The following TMEM62 variants were observed in gnomAD, a reference collection of about 807,000 sequenced individuals.
TMEM62 encodes transmembrane protein 62.
In TMEM62, 41 loss-of-function variants were observed where a neutral mutation model predicts 70.4. The ratio of observed to expected loss-of-function variants is 0.58; its 90% confidence interval spans 0.45 to 0.76. TMEM62 has a LOEUF of 0.76. Ranked by LOEUF, TMEM62 falls within the 30% of genes least tolerant of loss-of-function variation. The pLI, the probability that TMEM62 is intolerant of heterozygous loss-of-function variation, is 0.00. For synonymous variants in TMEM62, 268 were observed against 291.0 expected (o/e 0.92, Z 0.80); for missense variants, 688 against 788.5 (o/e 0.87, Z 1.53).
At chr15:43,160,511 C>T (rs922206200) in intron 9 of TMEM62, 170 bp from the exon 10 acceptor site, 36 of 550,430 alleles carry the variant, frequency 6.5e-5, no homozygotes, top group Non-Finnish European at 9.9e-5. Flanking sequence ...CACCACTGCA[C>T]GCCAGCCTGG....
rs949129917 is a variant in TMEM62, at chr15:43,137,694, C to T, written c.431-880C>T. Among the ~76,000 whole-genome samples the T allele has an allele frequency of 4.6e-5, 7 of 152,194 alleles. No individual in the cohort carries two copies. The East Asian group carries it at 1.3e-3, about 29-fold the overall frequency. ...GACTGCAGGTGGACATCTCCACTGC[C>T]CGGGAATCATGGAGTGTGTAGACAG... On this transcript the variant is annotated intron_variant, in intron 3 of 13. Transcript: ENST00000260403.
At chr15:43,138,739 A>G (rs1156733931) in intron 4 of TMEM62, 120 bp downstream of exon 4, 8 of 846,440 alleles carry the variant, frequency 9.5e-6, no homozygotes, top group East Asian at 2.4e-5. Flanking sequence ...GGGTCTCGCT[A>G]TTTTGCCCAG....
At chr15:43,169,734 C>T (rs891741601) in intron 11 of TMEM62, 57 bp downstream of exon 11, 47 of 1,434,772 alleles carry the variant, frequency 3.3e-5, no homozygotes, top group Middle Eastern at 1.9e-4. Flanking sequence ...AACCAAACTC[C>T]GTAAAATATT....
chr15:43,158,004 T>C (rs112723965), intron 9 of TMEM62, among the ~76,000 whole-genome samples: 2 of 152,166 alleles, frequency 1.3e-5, no homozygotes, highest in African/African-American at 2.4e-5. Flanking sequence ...CTCTTTTTTG[T>C]ACCCTTAAAA....
At chr15:43,152,552 G>A (rs757017023) in intron 8 of TMEM62, among the ~76,000 whole-genome samples, 2 of 152,012 alleles carry the variant, frequency 1.3e-5, no homozygotes, top group Non-Finnish European at 2.9e-5. Context: ...GTGCCACCAC[G>A]CCTGGCTAAT....
intron 13 of TMEM62, among the ~76,000 whole-genome samples, chr15:43,181,716 G>A (rs2041349003): frequency 6.6e-6 from 1 of 152,158 alleles, no homozygotes; most frequent in Admixed American, 6.5e-5. Context: ...TGGCCAGGCT[G>A]GTCTCGAACT....
chr15:43,167,572 C>G (rs1197030790), intron 10 of TMEM62, among the ~76,000 whole-genome samples: 1 of 151,532 alleles, frequency 6.6e-6, no homozygotes, highest in Non-Finnish European at 1.5e-5. Flanking sequence ...GGATGGCGGC[C>G]GGGAAGAGGC....
intron 7 of TMEM62, among the ~76,000 whole-genome samples, chr15:43,151,546 GTA>G (rs2037393548): frequency 6.6e-6 from 1 of 152,142 alleles, no homozygotes; most frequent in African/African-American, 2.4e-5. Flanking sequence ...TACATGCCGT[GTA>G]CCAGGTGTTG....
At chr15:43,184,062 C>G (rs2041655004) in intron 13 of TMEM62, 198 bp from the exon 14 acceptor site, 1 of 598,188 alleles carries the variant, frequency 1.7e-6, no homozygotes, top group East Asian at 2.8e-5. Context: ...ATACCTGCCT[C>G]TAAGATGAAT....
At chr15:43,173,153 G>A (rs763785363) in intron 11 of TMEM62, among the ~76,000 whole-genome samples, 22 of 152,142 alleles carry the variant, frequency 1.4e-4, no homozygotes, top group African/African-American at 4.1e-4. Flanking sequence ...CCAAGACTGC[G>A]CCACTGCACT....
In TMEM62 at chr15:43,133,939, C is replaced by T. The variant is rs12900188; in HGVS notation, c.137C>T (p.Pro46Leu). ...CCCGCGCCCCCCAGGAGGCCGCACC[C>T]TGCGCCAGGGCCCGGAGACAGCAAC... is the stretch of plus-strand genomic sequence containing the variant. ...PRPAPPRRPH[P>L]APGPGDSNIF... The change falls in exon 1 of 14, where the codon CCT (proline) becomes CTT (leucine). Residue 46 changes from proline (P) to leucine (L), a missense_variant. Coordinates refer to ENST00000260403, the MANE Select transcript of TMEM62 (RefSeq NM_024956.4). The T allele has an allele frequency of 2.0e-6, 3 of 1,476,630 alleles. No individual in the cohort carries two copies. The allele number at this position is 1,476,630 out of a possible 1,614,324, so 91.5% of individuals were successfully genotyped here.
In TMEM62 at chr15:43,178,731, T is replaced by C. The variant is rs1483237887; in HGVS notation, c.1486+20T>C. 6 of 1,478,378 alleles carry C rather than the reference T, an allele frequency of 4.1e-6. No homozygotes were observed. In the East Asian group the frequency reaches 1.4e-4, roughly 34 times the overall value. 91.6% of individuals were successfully genotyped at this position (1,478,378 alleles called of 1,614,324 possible). ...TGCTGGGTAAGTAAATTAGTACAGA[T>C]TATGGGGAATTTTGCCAAAGAATAT... On this transcript the variant is annotated intron_variant, in intron 12 of 13. Coordinates refer to ENST00000260403, the MANE Select transcript of TMEM62 (RefSeq NM_024956.4).
chr15:43,140,035 AG>A (rs1451777171), intron 4 of TMEM62, among the ~76,000 whole-genome samples: 1 of 152,192 alleles, frequency 6.6e-6, no homozygotes, highest in Non-Finnish European at 1.5e-5. Context: ...CTGGCTTCAA[AG>A]GATGGGCTGA....
At chr15:43,143,748 A>G (rs1409580834) in intron 4 of TMEM62, among the ~76,000 whole-genome samples, 3 of 152,338 alleles carry the variant, frequency 2.0e-5, no homozygotes, top group African/African-American at 7.2e-5. Flanking sequence ...GTGAAAAGGC[A>G]AGGGATCTCT....
chr15:43,142,636 T>C (rs904566095), intron 4 of TMEM62, among the ~76,000 whole-genome samples: 5 of 151,970 alleles, frequency 3.3e-5, no homozygotes, highest in African/African-American at 7.3e-5. Flanking sequence ...GCTCAGATGA[T>C]CATTAGCATT....
At position 43,184,810 on chromosome 15, in the gene TMEM62, A is replaced by G. The variant is rs1479020250; in HGVS notation, c.*224A>G. ...TAATGCCTTTATTCCTTCCCTCCCT[A>G]AGGAGGCAAAGAGTTGATTTACCTT... On this transcript the variant is annotated 3_prime_UTR_variant, in exon 14 of 14. Coordinates refer to ENST00000260403, the MANE Select transcript of TMEM62 (RefSeq NM_024956.4). 20 of 568,338 alleles carry G rather than the reference A, an allele frequency of 3.5e-5. No homozygotes were observed. In the South Asian group the frequency reaches 4.7e-4, roughly 13 times the overall value. The allele number at this position is 568,338 out of a possible 1,614,324, so 35.2% of individuals were successfully genotyped here.
rs529437914 is a variant in TMEM62 at position 43,171,612 on chromosome 15, A to T, written c.1381+1935A>T. Among the ~76,000 whole-genome samples the T allele has an allele frequency of 7.4e-3, 1,101 of 149,284 alleles. 6 individuals carry two copies. Among genetic ancestry groups the T allele is most frequent in the Non-Finnish European group, 0.014 (919 of 67,752 alleles). On this transcript the variant is annotated intron_variant, in intron 11 of 13. Coordinates refer to ENST00000260403, the MANE Select transcript of TMEM62 (RefSeq NM_024956.4). ...ATAAAAACAGTTTCATATTAATAAA[A>T]ACTTTTTTTTTTTTTTTTTTTTTGT...
intron 4 of TMEM62, among the ~76,000 whole-genome samples, chr15:43,140,514 T>C (rs2035857058): frequency 6.6e-6 from 1 of 152,056 alleles, no homozygotes; most frequent in South Asian, 2.1e-4. Context: ...CCCTCTCCCA[T>C]CTCCAGCAGG....
intron 4 of TMEM62, chr15:43,145,983 T>C (rs1238545803): frequency 1.3e-5 from 2 of 152,796 alleles, no homozygotes; most frequent in African/African-American, 4.8e-5. Flanking sequence ...GTTATCAATA[T>C]ATCTTTAGGA....
Sources: gnomAD v4.1 joint callset for allele counts (sites outside exome capture counted in the v4.1 genomes callset) on GRCh38, gnomAD v4.1.1 for gene constraint, MANE v1.5 for transcripts, NCBI Gene and HGNC (gene_info 2026-07-23, HGNC 2026-07-21) for gene names.